The following TFB1M variants were observed in gnomAD, a reference collection of about 807,000 sequenced individuals.
The protein encoded by TFB1M is dimethyladenosine transferase 1, mitochondrial.
In TFB1M, 27 loss-of-function variants were observed where a neutral mutation model predicts 31.1. The observed-to-expected ratio is 0.87, with a 90% confidence interval of 0.64 to 1.20. The LOEUF (loss-of-function observed/expected upper bound fraction) is 1.20, where lower values mean the gene tolerates loss of function less well. Among genes scored for constraint, TFB1M ranks in the 50% most tolerant of loss-of-function variants. The pLI is 0.00. For synonymous variants in TFB1M, 166 were observed against 151.8 expected (o/e 1.09, Z -0.69); for missense variants, 394 against 418.7 (o/e 0.94, Z 0.51).
intron 5 of TFB1M, among the ~76,000 whole-genome samples, chr6:155,265,758 T>A (rs1784608215): frequency 6.9e-6 from 1 of 145,076 alleles, no homozygotes; most frequent in African/African-American, 2.5e-5. Context: ...ATATAATATA[T>A]ATTTAATATA....
At chr6:155,268,176 C>T (rs1422282443) in intron 5 of TFB1M, among the ~76,000 whole-genome samples, 1 of 152,100 alleles carries the variant, frequency 6.6e-6, no homozygotes, top group Non-Finnish European at 1.5e-5. Context: ...CTCCCATTAC[C>T]ACAGCCTCCC....
intron 4 of TFB1M, among the ~76,000 whole-genome samples, chr6:155,287,454 C>T (rs1776713402): frequency 1.3e-5 from 2 of 151,408 alleles, no homozygotes; most frequent in South Asian, 2.1e-4. Flanking sequence ...GATTGAATCC[C>T]AAAATGGAAT....
At position 155,257,312 on chromosome 6, in the gene TFB1M, C is replaced by G; in HGVS notation, c.*524G>C. On this transcript the variant is annotated 3_prime_UTR_variant, in exon 7 of 7. Transcript: ENST00000367166. ...TTGTGGATCAGAAACCTAGATGAAACTGGTCAGAATCTGTAAATTACTTAG... is the reference window on the plus strand; with the variant it reads ...TTGTGGATCAGAAACCTAGATGAAAGTGGTCAGAATCTGTAAATTACTTAG... 12 of 647,852 alleles carry G rather than the reference C, an allele frequency of 1.9e-5. No homozygotes were observed. The highest frequency in any genetic ancestry group is 3.1e-5 in the Non-Finnish European group (12 of 392,290). The allele number at this position is 647,852 out of a possible 1,614,324, so 40.1% of individuals were successfully genotyped here.
At chr6:155,233,037 C>T in the TFB1M span, 1 of 152,194 alleles carries the variant, frequency 6.6e-6, no homozygotes, top group Non-Finnish European at 1.5e-5. Context: ...TACCCAGAAT[C>T]CCTAAATGAG....
At chr6:155,265,753 A>C (rs1475824732) in intron 5 of TFB1M, among the ~76,000 whole-genome samples, 1 of 145,084 alleles carries the variant, frequency 6.9e-6, no homozygotes, top group Non-Finnish European at 1.5e-5. Flanking sequence ...ATAATATATA[A>C]TATATATTTA....
intron 5 of TFB1M, among the ~76,000 whole-genome samples, chr6:155,267,424 G>C (rs78570629): frequency 6.6e-6 from 1 of 152,370 alleles, no homozygotes; most frequent in East Asian, 1.9e-4. Context: ...CACAGACCAG[G>C]TGGTCTTCAG....
chr6:155,249,889 A>G, the TFB1M span: 1 of 1,614,196 alleles, frequency 6.2e-7, no homozygotes, highest in Non-Finnish European at 8.5e-7. Context: ...GAGCCACATC[A>G]ATGAGATGCA....
chr6:155,314,007 C>G, intron 1 of TFB1M: 4 of 935,286 alleles, frequency 4.3e-6, no homozygotes, highest in East Asian at 3.6e-5. Context: ...TATTCACTAG[C>G]GCCTTTCACG....
chr6:155,279,266 G>A lies in TFB1M; in HGVS notation c.666+5892C>T, dbSNP rs567766329. 2.2e-3 allele frequency among the ~76,000 whole-genome samples: 336 copies of A among 150,108 alleles called. 2 individuals carry two copies. The highest frequency in any genetic ancestry group is 7.8e-3 in the African/African-American group (316 of 40,678). On this transcript the variant is annotated intron_variant, in intron 5 of 6. Transcript: ENST00000367166. ...GTGTATATCTATACATATGACTGAA[G>A]AATTCATCTAGTAATTCTGACAAAA...
At chr6:155,301,922 T>C (rs538916559) in intron 2 of TFB1M, among the ~76,000 whole-genome samples, 81 of 152,248 alleles carry the variant, frequency 5.3e-4, no homozygotes, top group African/African-American at 1.8e-3. Context: ...TTGTAAAGGG[T>C]ACATGAAACA....
intron 4 of TFB1M, among the ~76,000 whole-genome samples, chr6:155,287,589 G>A (rs993728440): frequency 2.1e-4 from 21 of 101,358 alleles, no homozygotes; most frequent in African/African-American, 8.1e-4. Flanking sequence ...TGTGTGTGGT[G>A]TATTTATCTG....
intron 5 of TFB1M, among the ~76,000 whole-genome samples, chr6:155,264,997 C>T (rs1041098): frequency 0.86 from 131,710 of 152,272 alleles, 57,411 homozygotes; most frequent in East Asian, 1. Context: ...TTTTCTGTTA[C>T]ATTTAATCTG....
chr6:155,241,400 C>T, the TFB1M span, among the ~76,000 whole-genome samples: 3 of 152,142 alleles, frequency 2.0e-5, no homozygotes, highest in African/African-American at 4.8e-5. Flanking sequence ...CAGCGCGGCA[C>T]GGTGCGGTGG....
At chr6:155,282,468 T>C (rs1457343579) in intron 5 of TFB1M, among the ~76,000 whole-genome samples, 2 of 152,212 alleles carry the variant, frequency 1.3e-5, no homozygotes, top group Non-Finnish European at 2.9e-5. Context: ...AAAGAAATTC[T>C]CTATATCTGA....
intron 2 of TFB1M, among the ~76,000 whole-genome samples, chr6:155,305,636 T>A (rs71549167): frequency 7.7e-5 from 6 of 78,034 alleles, no homozygotes; most frequent in South Asian, 3.1e-4. Flanking sequence ...TTTATATATA[T>A]AAATATATAT....
chr6:155,282,936 C>T (rs1007039988), intron 5 of TFB1M, among the ~76,000 whole-genome samples: 2 of 152,060 alleles, frequency 1.3e-5, no homozygotes, highest in African/African-American at 4.8e-5. Context: ...ACCATGTTAG[C>T]CAGGATGGTC....
At chr6:155,242,382 G>A in the TFB1M span, among the ~76,000 whole-genome samples, 2 of 152,218 alleles carry the variant, frequency 1.3e-5, no homozygotes, top group African/African-American at 4.8e-5. Context: ...CATGCTCCTT[G>A]AAATTTTTGA....
chr6:155,233,632 A>C, the TFB1M span, among the ~76,000 whole-genome samples: 87 of 152,138 alleles, frequency 5.7e-4, no homozygotes, highest in Non-Finnish European at 8.7e-4. Flanking sequence ...AAATAAGATA[A>C]AATCATTTTC....
chr6:155,239,148 G>A, the TFB1M span, among the ~76,000 whole-genome samples: 1 of 152,200 alleles, frequency 6.6e-6, no homozygotes, highest in African/African-American at 2.4e-5. Flanking sequence ...ATTAAGAGAT[G>A]CTCCTGAGAA....
Sources: allele counts gnomAD v4.1 joint callset (sites outside exome capture counted in the v4.1 genomes callset), GRCh38; gene constraint gnomAD v4.1.1; transcripts MANE v1.5; gene names NCBI Gene and HGNC (gene_info 2026-07-23, HGNC 2026-07-21).